Variants in MAGI2 observed in about 807,000 individuals in gnomAD.
MAGI2 encodes membrane-associated guanylate kinase, WW and PDZ domain-containing protein 2.
In MAGI2, 35 loss-of-function variants were observed where a neutral mutation model predicts 133.3. The observed-to-expected ratio is 0.26, with a 90% CI of 0.20 to 0.35. The LOEUF is 0.35. MAGI2 is among the 10% of genes least tolerant of loss of function. The pLI, the probability that MAGI2 is intolerant of heterozygous loss-of-function variation, is 1.00. For synonymous variants in MAGI2, 729 were observed against 710.6 expected (o/e 1.03, Z -0.41); for missense variants, 1,636 against 1,863.4 (o/e 0.88, Z 2.25).
At chr7:78,441,698 A>C (rs937903511) in intron 6 of MAGI2, among the ~76,000 whole-genome samples, 7 of 152,146 alleles carry the variant, frequency 4.6e-5, no homozygotes, top group Non-Finnish European at 1.0e-4. Flanking sequence ...AAACAAAAAC[A>C]AAACAAAAAT....
At chr7:79,108,237 GGCTAGTCCTATCAA>G (rs1201964921) in intron 1 of MAGI2, among the ~76,000 whole-genome samples, 3 of 152,132 alleles carry the variant, frequency 2.0e-5, no homozygotes, top group African/African-American at 7.2e-5. Flanking sequence ...TAAAAGAATG[GGCTAGTCCTATCAA>G]GCTCACAAAG....
intron 9 of MAGI2, among the ~76,000 whole-genome samples, chr7:78,307,072 C>G (rs1313230982): frequency 2.0e-5 from 3 of 152,076 alleles, no homozygotes; most frequent in Admixed American, 6.5e-5. Flanking sequence ...GTAAGTTGAA[C>G]TATCGGAATA....
intron 2 of MAGI2, among the ~76,000 whole-genome samples, chr7:78,754,844 T>C (rs1823794116): frequency 6.6e-6 from 1 of 152,192 alleles, no homozygotes; most frequent in South Asian, 2.1e-4. Context: ...TAAAACAAAT[T>C]AAAAGACACC....
intron 1 of MAGI2, among the ~76,000 whole-genome samples, chr7:79,144,262 T>A (rs1254445340): frequency 6.6e-6 from 1 of 152,218 alleles, no homozygotes; most frequent in Non-Finnish European, 1.5e-5. Context: ...AGCACTGATA[T>A]GGTTTGGATT....
chr7:78,408,739 T>C (rs1449426836), intron 6 of MAGI2, among the ~76,000 whole-genome samples: 1 of 152,116 alleles, frequency 6.6e-6, no homozygotes, highest in Non-Finnish European at 1.5e-5. Flanking sequence ...GTAAAATACG[T>C]AACGCAAAAA....
chr7:79,422,818 A>G (rs17488042), intron 1 of MAGI2, among the ~76,000 whole-genome samples: 8,069 of 152,124 alleles, frequency 0.053, 290 homozygotes, highest in African/African-American at 0.11. Context: ...TCCAATGGCA[A>G]TAAATATAGA....
chr7:79,435,709 C>T (rs987305602), intron 1 of MAGI2, among the ~76,000 whole-genome samples: 3 of 152,004 alleles, frequency 2.0e-5, no homozygotes, highest in East Asian at 3.8e-4. Flanking sequence ...AGATTCAATG[C>T]TATTCCTATC....
At chr7:78,322,072 C>A (rs556340903) in intron 9 of MAGI2, among the ~76,000 whole-genome samples, 22 of 152,268 alleles carry the variant, frequency 1.4e-4, no homozygotes, top group African/African-American at 5.3e-4. Flanking sequence ...TACCCTCTCA[C>A]GCCAGTTAGA....
intron 6 of MAGI2, 152 bp from the exon 7 acceptor site, chr7:78,369,365 A>G: frequency 1.7e-6 from 1 of 600,092 alleles, no homozygotes; most frequent in Non-Finnish European, 2.9e-6. Flanking sequence ...CATATTATAG[A>G]AACTATAAGA....
chr7:78,282,974 G>A (rs1237823695), intron 9 of MAGI2, among the ~76,000 whole-genome samples: 1 of 151,914 alleles, frequency 6.6e-6, no homozygotes, highest in Admixed American at 6.6e-5. Context: ...AGAAGTTTAG[G>A]CTGAACTCAA....
At chr7:78,081,139 G>A (rs1241920298) in intron 20 of MAGI2, among the ~76,000 whole-genome samples, 1 of 152,024 alleles carries the variant, frequency 6.6e-6, no homozygotes, top group Non-Finnish European at 1.5e-5. Context: ...TCTCCTATGG[G>A]TGCCTTCCTC....
intron 20 of MAGI2, among the ~76,000 whole-genome samples, chr7:78,089,428 T>C (rs1193785777): frequency 2.0e-5 from 3 of 152,184 alleles, no homozygotes; most frequent in Non-Finnish European, 4.4e-5. Flanking sequence ...AGGTGTGGGA[T>C]GGAATTGATT....
chr7:79,214,497 G>T (rs1829835568), intron 1 of MAGI2, among the ~76,000 whole-genome samples: 1 of 133,620 alleles, frequency 7.5e-6, no homozygotes, highest in South Asian at 2.3e-4. Flanking sequence ...ATATATGGGA[G>T]ATAAAAGATA....
chr7:79,187,107 C>T (rs916065678), intron 1 of MAGI2, among the ~76,000 whole-genome samples: 7 of 151,378 alleles, frequency 4.6e-5, no homozygotes, highest in Non-Finnish European at 1.0e-4. Flanking sequence ...GTAGCATCCA[C>T]AGAGAAAATA....
intron 2 of MAGI2, among the ~76,000 whole-genome samples, chr7:78,909,601 T>TC (rs1257242451): frequency 2.2e-5 from 1 of 45,682 alleles, no homozygotes; most frequent in East Asian, 7.9e-4. Context: ...AGACTCCATC[T>TC]CAAAAAAAAA....
At chr7:78,101,794 T>C (rs942292693) in intron 20 of MAGI2, among the ~76,000 whole-genome samples, 3 of 152,164 alleles carry the variant, frequency 2.0e-5, no homozygotes, top group Non-Finnish European at 4.4e-5. Flanking sequence ...ATGAAAAATG[T>C]AGTGGCCCCT....
At chr7:79,085,175 T>C (rs899992421) in intron 1 of MAGI2, among the ~76,000 whole-genome samples, 27 of 151,952 alleles carry the variant, frequency 1.8e-4, no homozygotes, top group Admixed American at 5.9e-4. Flanking sequence ...TTATTTTCTC[T>C]TTCTGTTGCT....
At chr7:78,402,286 ATG>A (rs1183538131) in intron 6 of MAGI2, among the ~76,000 whole-genome samples, 7 of 139,518 alleles carry the variant, frequency 5.0e-5, no homozygotes, top group African/African-American at 1.9e-4. Context: ...TGGGATGTGT[ATG>A]TGTGTGTGTC....
intron 2 of MAGI2, among the ~76,000 whole-genome samples, chr7:78,772,391 G>A (rs1825666502): frequency 6.6e-6 from 1 of 152,172 alleles, no homozygotes. Context: ...TTTGGCATTT[G>A]GTGTTCTGTC....
Sources: allele counts gnomAD v4.1 joint callset (sites outside exome capture counted in the v4.1 genomes callset), GRCh38; gene constraint gnomAD v4.1.1; transcripts MANE v1.5; gene names NCBI Gene and HGNC (gene_info 2026-07-23, HGNC 2026-07-21).